The following NR1H4 variants were observed in gnomAD, a reference collection of about 807,000 sequenced individuals.
NR1H4 encodes the protein bile acid receptor.
NR1H4 carries 23 observed loss-of-function variants against 58.5 expected under a neutral mutation model. The observed-to-expected ratio is 0.39, with a 90% CI of 0.28 to 0.56. The LOEUF is 0.56. Ranked by LOEUF, NR1H4 falls within the 20% of genes least tolerant of loss-of-function variation. The pLI, the probability that NR1H4 is intolerant of heterozygous loss-of-function variation, is 0.58. For missense variants in NR1H4, 487 were observed against 576.9 expected, an observed-to-expected ratio of 0.84 and a Z score of 1.60; for synonymous variants, 214 against 198.0, an observed-to-expected ratio of 1.08 and a Z score of -0.68.
chr12:100,560,255 A>G (rs567803632), intron 9 of NR1H4, among the ~76,000 whole-genome samples: 4 of 152,326 alleles, frequency 2.6e-5, no homozygotes, highest in Non-Finnish European at 5.9e-5. Context: ...GGGGCCAGAT[A>G]AGAGAATAAA....
At chr12:100,503,294 G>A (rs1300002299) in intron 3 of NR1H4, 1 of 1,441,208 alleles carries the variant, frequency 6.9e-7, no homozygotes, top group South Asian at 1.4e-5. Flanking sequence ...CAAATATTCT[G>A]CTCCGTAATG....
intron 3 of NR1H4, among the ~76,000 whole-genome samples, chr12:100,503,200 T>G (rs570445986): frequency 2.6e-5 from 4 of 152,148 alleles, no homozygotes; most frequent in Non-Finnish European, 5.9e-5. Flanking sequence ...ACTGGAAAAG[T>G]ACTCCCCCAA....
Position 100,503,343 on chromosome 12 carries a change from A to G in NR1H4, c.80-7435A>G, listed in dbSNP as rs1348126275. ...AACCACACAACCTCTGTCCTCTCTCACTCCTTACCTAGTCTCATTTTCAGT... is the reference window on the plus strand; with the variant it reads ...AACCACACAACCTCTGTCCTCTCTCGCTCCTTACCTAGTCTCATTTTCAGT... On this transcript the variant is annotated intron_variant, in intron 3 of 10. Coordinates refer to ENST00000392986, the MANE Select transcript of NR1H4 (RefSeq NM_001206979.2). 3.8e-6 allele frequency: 6 copies of G among 1,577,590 alleles called. No homozygotes were observed. The Admixed American group carries it at 1.1e-4, about 28-fold the overall frequency.
At chr12:100,556,535 T>C (rs1955333375) in intron 9 of NR1H4, among the ~76,000 whole-genome samples, 2 of 152,038 alleles carry the variant, frequency 1.3e-5, no homozygotes, top group South Asian at 4.1e-4. Context: ...ATCACCTTCC[T>C]TTATTATTTA....
chr12:100,534,051 T>C (rs1049586137), intron 5 of NR1H4, among the ~76,000 whole-genome samples: 8 of 152,052 alleles, frequency 5.3e-5, no homozygotes, highest in South Asian at 2.1e-4. Context: ...CGCCCGCCAC[T>C]GCGCCCGGCT....
At chr12:100,551,098 A>G (rs1955193461) in intron 9 of NR1H4, among the ~76,000 whole-genome samples, 1 of 152,204 alleles carries the variant, frequency 6.6e-6, no homozygotes. Flanking sequence ...ACCAATTTCT[A>G]ATATTTGCCC....
At chr12:100,550,357 ATTTTG>A (rs1314679998) in intron 9 of NR1H4, among the ~76,000 whole-genome samples, 2 of 151,920 alleles carry the variant, frequency 1.3e-5, no homozygotes, top group African/African-American at 4.8e-5. Flanking sequence ...ATGAGTTTAT[ATTTTG>A]TTTTGTTTTG....
At chr12:100,551,996 A>G (rs973718634) in intron 9 of NR1H4, among the ~76,000 whole-genome samples, 4 of 152,220 alleles carry the variant, frequency 2.6e-5, no homozygotes, top group Non-Finnish European at 5.9e-5. Flanking sequence ...TACAGTTGCA[A>G]TACTTTTCCC....
intron 10 of NR1H4, 128 bp from the exon 11 acceptor site, chr12:100,563,123 A>G (rs1187394609): frequency 5.3e-6 from 4 of 753,490 alleles, no homozygotes; most frequent in East Asian, 5.3e-5. Context: ...CAGGTTGAAC[A>G]CTTAATTTTC....
At chr12:100,511,404 G>A (rs537639845) in intron 4 of NR1H4, among the ~76,000 whole-genome samples, 24 of 152,204 alleles carry the variant, frequency 1.6e-4, no homozygotes, top group East Asian at 3.9e-4. Flanking sequence ...AACCTCACAC[G>A]TAGCTAAAGG....
At chr12:100,549,763 A>G (rs1955163560) in intron 9 of NR1H4, among the ~76,000 whole-genome samples, 1 of 152,190 alleles carries the variant, frequency 6.6e-6, no homozygotes, top group Non-Finnish European at 1.5e-5. Context: ...AATAAAAACC[A>G]TCCAAACTCA....
intron 9 of NR1H4, among the ~76,000 whole-genome samples, chr12:100,561,548 C>T (rs1245988295): frequency 6.6e-6 from 1 of 152,156 alleles, no homozygotes; most frequent in Non-Finnish European, 1.5e-5. Flanking sequence ...TCAAAAGATT[C>T]ACTAAATCCC....
chr12:100,539,278 A>T (rs1219420104), intron 8 of NR1H4, among the ~76,000 whole-genome samples: 1 of 152,238 alleles, frequency 6.6e-6, no homozygotes, highest in Admixed American at 6.5e-5. Flanking sequence ...AATGACAGAG[A>T]TAGCATTATT....
chr12:100,532,305 A>G lies in NR1H4; in HGVS notation c.446-153A>G, dbSNP rs1456803794. Among the ~76,000 whole-genome samples the G allele has an allele frequency of 2.6e-5, 4 of 152,212 alleles. No individual in the cohort carries two copies. In the East Asian group the frequency reaches 5.8e-4, roughly 22 times the overall value. On this transcript the variant is annotated intron_variant, in intron 4 of 10. Transcript: ENST00000392986. ...ACAGGCTTCTCAACAACACAATGTC[A>G]CATAAAGTATTTGTCACTGGTGTGC... is the stretch of plus-strand genomic sequence containing the variant.
intron 1 of NR1H4, among the ~76,000 whole-genome samples, chr12:100,479,942 T>C (rs1343825588): frequency 2.0e-5 from 3 of 152,246 alleles, no homozygotes; most frequent in African/African-American, 7.2e-5. Flanking sequence ...AGCTCTTCTC[T>C]GATTGCCCTC....
At chr12:100,561,641 G>T (rs1016256688) in intron 9 of NR1H4, among the ~76,000 whole-genome samples, 1 of 152,060 alleles carries the variant, frequency 6.6e-6, no homozygotes, top group Non-Finnish European at 1.5e-5. Context: ...CTGAAACAAA[G>T]ACACTGACAA....
At position 100,517,137 on chromosome 12, in the gene NR1H4, T is replaced by A. The variant is rs534271029; in HGVS notation, c.445+5994T>A. ...AATAGAACATCAGACATATTCCTTC[T>A]ATCTAACTGTATTCTTGGACCCGTT... On this transcript the variant is annotated intron_variant, in intron 4 of 10. Transcript: ENST00000392986. 3.9e-5 allele frequency among the ~76,000 whole-genome samples: 6 copies of A among 152,348 alleles called. No individual in the cohort carries two copies. The South Asian group carries it at 1.0e-3, about 26-fold the overall frequency.
intron 3 of NR1H4, among the ~76,000 whole-genome samples, chr12:100,497,024 G>A (rs775834517): frequency 6.6e-6 from 1 of 152,098 alleles, no homozygotes; most frequent in Non-Finnish European, 1.5e-5. Context: ...GACATGATGA[G>A]GGAGTGGAGG....
intron 5 of NR1H4, among the ~76,000 whole-genome samples, chr12:100,534,602 C>T (rs1323674164): frequency 6.6e-6 from 1 of 152,066 alleles, no homozygotes; most frequent in Non-Finnish European, 1.5e-5. Flanking sequence ...ATGATTATTG[C>T]TTTTATTTTG....
Sources: gnomAD v4.1 joint callset for allele counts (sites outside exome capture counted in the v4.1 genomes callset) on GRCh38, gnomAD v4.1.1 for gene constraint, MANE v1.5 for transcripts, NCBI Gene and HGNC (gene_info 2026-07-23, HGNC 2026-07-21) for gene names.